The following NCAM2 variants were observed in gnomAD, a reference collection of about 807,000 sequenced individuals.
NCAM2 encodes N-CAM-2.
NCAM2 carries 30 observed loss-of-function variants against 98.1 expected under a neutral mutation model. The observed-to-expected ratio is 0.31, with a 90% CI of 0.23 to 0.41. The LOEUF (loss-of-function observed/expected upper bound fraction) is 0.41. Among genes scored for constraint, NCAM2 ranks in the 10% least tolerant of loss-of-function variants. The pLI, the probability that NCAM2 is intolerant of heterozygous loss-of-function variation, is 1.00. For synonymous variants in NCAM2, 368 were observed against 342.4 expected (o/e 1.07, Z -0.83); for missense variants, 867 against 1,005.8 (o/e 0.86, Z 1.87).
intron 1 of NCAM2, among the ~76,000 whole-genome samples, chr21:21,069,090 A>G (rs112208584): frequency 0.025 from 3,757 of 152,266 alleles, 134 homozygotes; most frequent in African/African-American, 0.083. Flanking sequence ...TCCAATTGTA[A>G]TTATATTCAC....
intron 5 of NCAM2, among the ~76,000 whole-genome samples, chr21:21,312,320 C>T (rs2074080779): frequency 6.6e-6 from 1 of 150,838 alleles, no homozygotes; most frequent in Non-Finnish European, 1.5e-5. Flanking sequence ...GATTAATATG[C>T]TTAATATAGT....
At chr21:21,193,845 C>A (rs763351023) in intron 1 of NCAM2, among the ~76,000 whole-genome samples, 1 of 152,176 alleles carries the variant, frequency 6.6e-6, no homozygotes, top group South Asian at 2.1e-4. Flanking sequence ...AAATTCCCAA[C>A]ATATTGTTAT....
chr21:21,321,309 T>C (rs1186212721), intron 5 of NCAM2, among the ~76,000 whole-genome samples: 1 of 152,166 alleles, frequency 6.6e-6, no homozygotes, highest in Non-Finnish European at 1.5e-5. Context: ...ATTCCGGATA[T>C]TCAACCTTTA....
intron 8 of NCAM2, among the ~76,000 whole-genome samples, chr21:21,348,697 T>C (rs2075254542): frequency 6.6e-6 from 1 of 152,044 alleles, no homozygotes; most frequent in African/African-American, 2.4e-5. Context: ...ACTATAGAGC[T>C]ATATTAACCA....
intron 1 of NCAM2, among the ~76,000 whole-genome samples, chr21:21,070,562 A>C (rs1568990105): frequency 6.6e-6 from 1 of 152,052 alleles, no homozygotes; most frequent in Non-Finnish European, 1.5e-5. Flanking sequence ...ATTTAAAGTG[A>C]GTAGTTGGAG....
At chr21:21,404,983 G>A (rs1393528936) in intron 9 of NCAM2, among the ~76,000 whole-genome samples, 3 of 151,404 alleles carry the variant, frequency 2.0e-5, no homozygotes, top group Non-Finnish European at 2.9e-5. Flanking sequence ...ATGTAGTAAC[G>A]CATTTTACAT....
At chr21:21,526,678 T>C (rs1026753127) in intron 16 of NCAM2, among the ~76,000 whole-genome samples, 15 of 152,256 alleles carry the variant, frequency 9.9e-5, no homozygotes, top group Middle Eastern at 3.4e-3. Context: ...CAAAGTAATA[T>C]TGAAAGTGTA....
At position 21,534,594 on chromosome 21, in the gene NCAM2, T is replaced by C; in HGVS notation, c.2340T>C (p.Thr780=). The C allele has an allele frequency of 6.2e-7, 1 of 1,608,850 alleles. No homozygotes were observed. Among genetic ancestry groups the C allele is most frequent in the Non-Finnish European group, 8.5e-7 (1 of 1,176,020 alleles). ...VEMRTEDERV[T]NHEDGSPVNE... Reference sequence around the variant, plus strand: ...TGAGAACAGAGGATGAAAGAGTTACTAATCACGAAGATGGGAGCCCAGTAA... The same window carrying C: ...TGAGAACAGAGGATGAAAGAGTTACCAATCACGAAGATGGGAGCCCAGTAA... The change falls in exon 17 of 18, where the codon ACT becomes ACC. Residue 780 remains threonine, a synonymous_variant. Transcript: ENST00000400546.
At chr21:21,272,487 TACAC>T (rs570687727) in intron 1 of NCAM2, among the ~76,000 whole-genome samples, 456 of 128,654 alleles carry the variant, frequency 3.5e-3, no homozygotes, top group Non-Finnish European at 5.5e-3. Context: ...CACGCACACA[TACAC>T]ACACATGCGC....
intron 1 of NCAM2, among the ~76,000 whole-genome samples, chr21:21,108,357 G>A (rs1217972566): frequency 6.6e-6 from 1 of 151,958 alleles, no homozygotes; most frequent in Non-Finnish European, 1.5e-5. Context: ...TCTTGTAAAA[G>A]TTGAAAAATA....
Position 21,508,953 on chromosome 21 carries a change from G to A in NCAM2, c.2180G>A (p.Arg727Gln). 3 of 1,612,392 alleles carry A rather than the reference G, an allele frequency of 1.9e-6. No homozygotes were observed. Among genetic ancestry groups the A allele is most frequent in the Non-Finnish European group, 2.5e-6 (3 of 1,179,622 alleles). ...ACAGACGTCAGCTGCTTCTTTATTC[G>A]GCAATGTGGGTTGCTGATGTGCATC... ...VVTDVSCFFIRQCGLLMCITR... is the reference protein window; with the variant it reads ...VVTDVSCFFIQQCGLLMCITR... The change falls in exon 16 of 18, where the codon CGG becomes CAG. Residue 727 changes from arginine to glutamine, a missense_variant. By Grantham distance (43) the Arg-to-Gln change is conservative. Around this residue, in one of 5 missense-constraint regions of NCAM2, gnomAD observed 234 missense variants for 333.8 expected, o/e 0.70. Transcript: ENST00000400546.
At chr21:21,209,839 A>G (rs190544353) in intron 1 of NCAM2, among the ~76,000 whole-genome samples, 33 of 152,256 alleles carry the variant, frequency 2.2e-4, no homozygotes, top group Admixed American at 1.9e-3. Context: ...TTCCCCAAAG[A>G]TGGTACTTGC....
chr21:21,486,985 T>A (rs1420154899), intron 15 of NCAM2, among the ~76,000 whole-genome samples: 1 of 152,088 alleles, frequency 6.6e-6, no homozygotes, highest in Non-Finnish European at 1.5e-5. Flanking sequence ...TGAACACCTA[T>A]TTCACAACTC....
At chr21:21,015,607 G>C (rs1316150943) in intron 1 of NCAM2, among the ~76,000 whole-genome samples, 1 of 152,150 alleles carries the variant, frequency 6.6e-6, no homozygotes, top group African/African-American at 2.4e-5. Flanking sequence ...AAAAAATTGT[G>C]TTACTTAGTT....
intron 1 of NCAM2, among the ~76,000 whole-genome samples, chr21:21,102,950 C>T (rs1026349473): frequency 2.6e-5 from 4 of 151,924 alleles, no homozygotes; most frequent in Non-Finnish European, 5.9e-5. Flanking sequence ...TGTGTAAAAT[C>T]TGTCATAGTT....
At chr21:21,012,546 C>T (rs1186090452) in intron 1 of NCAM2, among the ~76,000 whole-genome samples, 2 of 152,130 alleles carry the variant, frequency 1.3e-5, no homozygotes, top group South Asian at 2.1e-4. Context: ...CATATTTCTA[C>T]TCCTGGTTTT....
intron 9 of NCAM2, among the ~76,000 whole-genome samples, chr21:21,403,119 C>A (rs1355408428): frequency 6.6e-6 from 1 of 152,060 alleles, no homozygotes; most frequent in Non-Finnish European, 1.5e-5. Context: ...AATTCAGTTC[C>A]TTTGCCCATT....
At chr21:21,370,796 C>T (rs1435805707) in intron 8 of NCAM2, among the ~76,000 whole-genome samples, 1 of 151,740 alleles carries the variant, frequency 6.6e-6, no homozygotes, top group Non-Finnish European at 1.5e-5. Flanking sequence ...TAGCCTCAGC[C>T]TCATAGTGAT....
At chr21:21,090,824 G>C (rs1241680752) in intron 1 of NCAM2, among the ~76,000 whole-genome samples, 1 of 152,090 alleles carries the variant, frequency 6.6e-6, no homozygotes, top group East Asian at 1.9e-4. Context: ...CCTCAGATAT[G>C]TGCCAGGCTT....
Sources: allele counts gnomAD v4.1 joint callset (sites outside exome capture counted in the v4.1 genomes callset), GRCh38; gene constraint gnomAD v4.1.1; regional missense constraint gnomAD v4.1.1; transcripts MANE v1.5; gene names NCBI Gene and HGNC (gene_info 2026-07-23, HGNC 2026-07-21).